Variants in OCA2 observed in about 807,000 individuals in gnomAD.
OCA2 encodes OCA2 melanosomal transmembrane protein, also known as P protein.
A neutral mutation model predicts 100.2 loss-of-function variants in OCA2; 77 were observed. That is an observed-to-expected ratio of 0.77 (90% confidence interval 0.64 to 0.93). OCA2 has a LOEUF of 0.93. Ranked by LOEUF, OCA2 falls within the 40% of genes least tolerant of loss-of-function variation. OCA2 has a pLI of 0.00. For synonymous variants in OCA2, 432 were observed against 439.2 expected, an observed-to-expected ratio of 0.98 and a Z score of 0.21; for missense variants, 1,062 against 1,089.1, an observed-to-expected ratio of 0.98 and a Z score of 0.35.
At chr15:27,879,375 A>G (rs2036921600) in intron 19 of OCA2, among the ~76,000 whole-genome samples, 1 of 152,136 alleles carries the variant, frequency 6.6e-6, no homozygotes, top group Admixed American at 6.6e-5. Context: ...ATACCCAGCA[A>G]TGGAATTGCT....
At chr15:27,945,510 G>A (rs759527108) in intron 18 of OCA2, among the ~76,000 whole-genome samples, 4 of 152,132 alleles carry the variant, frequency 2.6e-5, no homozygotes, top group Admixed American at 6.5e-5. Context: ...CCCTCCATCC[G>A]GACCCTTCCT....
intron 23 of OCA2, among the ~76,000 whole-genome samples, chr15:27,790,504 C>T (rs75848526): frequency 0.024 from 3,647 of 152,140 alleles, 161 homozygotes; most frequent in African/African-American, 0.084. Flanking sequence ...GATTGGATAT[C>T]CAAAACATTA....
At chr15:27,754,612 C>T (rs746411231), downstream of OCA2, among the ~76,000 whole-genome samples, 3 of 152,144 alleles carry the variant, frequency 2.0e-5, no homozygotes, top group Admixed American at 6.5e-5. Context: ...TAATAAACAC[C>T]GACTGAGCCA....
rs780981483 is a variant in OCA2, at chr15:27,951,818, G to C, written c.1917C>G (p.Leu639=). Residue 639 remains leucine, a synonymous_variant, in exon 18 of 24, where the codon CTC becomes CTG. Transcript: ENST00000354638. ...VLGFVIFMFF[L]NSFVPGIHLD... is the part of the protein sequence containing the mutation. Reference sequence around the variant, plus strand: ...GATGAATGCCAGGGACAAACGAATTGAGGAAAAACATGAAGATAACAAATC... The same window carrying C: ...GATGAATGCCAGGGACAAACGAATTCAGGAAAAACATGAAGATAACAAATC... The C allele has an allele frequency of 5.6e-6, 9 of 1,613,678 alleles. No homozygotes were observed. Among genetic ancestry groups the C allele is most frequent in the Non-Finnish European group, 6.8e-6 (8 of 1,179,626 alleles).
chr15:28,000,934 G>C (rs999324101), intron 9 of OCA2, among the ~76,000 whole-genome samples: 5 of 152,148 alleles, frequency 3.3e-5, no homozygotes, highest in African/African-American at 1.2e-4. Flanking sequence ...TGTTAGAATG[G>C]CTGTTATCAA....
At chr15:28,011,898 C>T (rs2042251301) in intron 9 of OCA2, among the ~76,000 whole-genome samples, 1 of 145,426 alleles carries the variant, frequency 6.9e-6, no homozygotes, top group Non-Finnish European at 1.5e-5. Flanking sequence ...GCCTGGGCAA[C>T]AGAGGGAGAC....
chr15:28,091,236 A>G (rs906968853), intron 1 of OCA2, among the ~76,000 whole-genome samples: 2 of 152,242 alleles, frequency 1.3e-5, no homozygotes, highest in Non-Finnish European at 2.9e-5. Flanking sequence ...GTTTCACTAG[A>G]GAATTCTACC....
rs983567997 is a variant in OCA2 at position 27,773,399 on chromosome 15, A to T, written c.2433-17927T>A. 3.3e-5 allele frequency among the ~76,000 whole-genome samples: 5 copies of T among 152,246 alleles called. No homozygotes were observed. The East Asian group carries it at 9.6e-4, about 29-fold the overall frequency. On this transcript the variant is annotated intron_variant, in intron 23 of 23. Transcript: ENST00000354638. ...ATTTCTCTCACTGACATCTCAAGAG[A>T]TTTTGTGATCTTCATTAATTCAATA...
intron 2 of OCA2, among the ~76,000 whole-genome samples, chr15:28,076,853 C>CAAAAAAAAA (rs575299612): frequency 1.2e-4 from 7 of 60,738 alleles, no homozygotes; most frequent in East Asian, 4.3e-4. Context: ...GACTCCGTCT[C>CAAAAAAAAA]AAAAAAAAAA....
At chr15:27,771,399 A>AT (rs1412087584) in intron 23 of OCA2, among the ~76,000 whole-genome samples, 1 of 150,862 alleles carries the variant, frequency 6.6e-6, no homozygotes, top group African/African-American at 2.4e-5. Context: ...AAAAAAAAAA[A>AT]AAAAATACAG....
chr15:27,829,546 A>G (rs1595479871), intron 23 of OCA2, among the ~76,000 whole-genome samples: 1 of 152,204 alleles, frequency 6.6e-6, no homozygotes, highest in Admixed American at 6.5e-5. Context: ...GGCCACAGAC[A>G]CACTGCCAAG....
chr15:27,883,902 T>C (rs1381824015), intron 19 of OCA2, among the ~76,000 whole-genome samples: 1 of 152,202 alleles, frequency 6.6e-6, no homozygotes, highest in East Asian at 1.9e-4. Flanking sequence ...CTAAAATATA[T>C]TGAAAGTTCT....
chr15:27,863,844 C>T (rs1304359784), intron 21 of OCA2, among the ~76,000 whole-genome samples: 1 of 152,068 alleles, frequency 6.6e-6, no homozygotes, highest in African/African-American at 2.4e-5. Flanking sequence ...GGTTTTAGTT[C>T]CAGAAACTAT....
chr15:27,805,320 G>A (rs2033789684), intron 23 of OCA2, among the ~76,000 whole-genome samples: 1 of 152,258 alleles, frequency 6.6e-6, no homozygotes, highest in Non-Finnish European at 1.5e-5. Flanking sequence ...ATAAGCCTTA[G>A]GGGCTGCTCC....
chr15:28,004,332 C>T (rs1386366654), intron 9 of OCA2, among the ~76,000 whole-genome samples: 1 of 152,214 alleles, frequency 6.6e-6, no homozygotes, highest in Non-Finnish European at 1.5e-5. Context: ...ACACTCTTGC[C>T]TGCCACCCAG....
intron 21 of OCA2, among the ~76,000 whole-genome samples, chr15:27,868,656 C>T (rs914078652): frequency 6.6e-6 from 1 of 151,964 alleles, no homozygotes; most frequent in African/African-American, 2.4e-5. Context: ...CAGTGCCTAG[C>T]GTTAATATGG....
chr15:27,870,614 G>A lies in OCA2; in HGVS notation c.2244+540C>T, dbSNP rs536312920. Among the ~76,000 whole-genome samples, 6 of 151,220 alleles carry A rather than the reference G, an allele frequency of 4.0e-5. No individual in the cohort carries two copies. The South Asian group carries it at 1.0e-3, about 26-fold the overall frequency. ...GCTGGTTAGAATAGCTTTTGCCTCC[G>A]CCGCAAATGAAGATGCAAGTCTCTA... On this transcript the variant is annotated intron_variant, in intron 21 of 23. Coordinates refer to ENST00000354638, the MANE Select transcript of OCA2 (RefSeq NM_000275.3).
At chr15:28,065,904 T>G (rs144731317) in intron 2 of OCA2, among the ~76,000 whole-genome samples, 2,054 of 152,264 alleles carry the variant, frequency 0.013, 39 homozygotes, top group African/African-American at 0.047. Flanking sequence ...TTTCTTAATT[T>G]TATTTTCAGA....
intron 23 of OCA2, among the ~76,000 whole-genome samples, chr15:27,760,057 T>C (rs2030709076): frequency 6.6e-6 from 1 of 152,146 alleles, no homozygotes; most frequent in South Asian, 2.1e-4. Flanking sequence ...TTTGATTTGA[T>C]TTGATTTGCT....
Sources: gnomAD v4.1 joint callset for allele counts (sites outside exome capture counted in the v4.1 genomes callset) on GRCh38, gnomAD v4.1.1 for gene constraint, MANE v1.5 for transcripts, NCBI Gene and HGNC (gene_info 2026-07-23, HGNC 2026-07-21) for gene names.